FCER2: variants seen among roughly 807,000 people sequenced by gnomAD.
FCER2 encodes the protein Fc epsilon receptor II.
In FCER2, 38 loss-of-function variants were observed where a neutral mutation model predicts 49.7. The observed-to-expected ratio is 0.76, with a 90% confidence interval of 0.59 to 1.00. The LOEUF is 1.00. FCER2 is among the 50% of genes least tolerant of loss of function. The pLI is 0.00. For missense variants in FCER2, 425 were observed against 419.5 expected, an observed-to-expected ratio of 1.01 and a Z score of -0.11; for synonymous variants, 163 against 164.6, an observed-to-expected ratio of 0.99 and a Z score of 0.07.
chr19:7,691,862 A>G (rs569492259), intron 8 of FCER2, among the ~76,000 whole-genome samples: 1 of 152,288 alleles, frequency 6.6e-6, no homozygotes, highest in South Asian at 2.1e-4. Context: ...AACTGCAAAC[A>G]CTGTCACCAC....
chr19:7,690,054 T>A, intron 10 of FCER2, 105 bp downstream of exon 10: 3 of 782,370 alleles, frequency 3.8e-6, no homozygotes, highest in South Asian at 1.6e-5. Context: ...CTAGAGACCC[T>A]TATCTCTGAG....
intron 8 of FCER2, among the ~76,000 whole-genome samples, chr19:7,695,783 G>A (rs11260016): frequency 0.18 from 27,826 of 151,936 alleles, 3,106 homozygotes; most frequent in African/African-American, 0.3. Context: ...CTGGCGTGGT[G>A]GCACACACTC....
In FCER2 at chr19:7,690,505, G is replaced by C. The variant is rs1328145662; in HGVS notation, c.522C>G (p.Cys174Trp). The change falls in exon 9 of 11, where the codon TGC (cysteine) becomes TGG (tryptophan). Residue 174 changes from cysteine (C) to tryptophan (W), a missense_variant. Transcript: ENST00000597921. ...GCTTGGTGCCCTTGCCGAAGTAGTA[G>C]CACTTCCGTTGGAAATTGATCCACT... is the stretch of plus-strand genomic sequence containing the variant. Reference protein sequence around the residue: ...PEKWINFQRKCYYFGKGTKQW... With the variant: ...PEKWINFQRKWYYFGKGTKQW... The C allele has an allele frequency of 6.2e-7, 1 of 1,614,022 alleles. No individual in the cohort carries two copies. The highest frequency in any genetic ancestry group is 1.1e-5 in the South Asian group (1 of 91,096).
chr19:7,689,260 A>G lies in FCER2; in HGVS notation c.899T>C (p.Met300Thr), dbSNP rs1329156719. Reference protein sequence around the residue: ...PPASEGSAESMGPDSRPDPDG... With the variant: ...PPASEGSAESTGPDSRPDPDG... ...AGGGTCTGGTCTTGAATCAGGTCCC[A>G]TGGACTCCGCGGAACCTTCGCTGGC... Residue 300 changes from methionine to threonine, a missense_variant, in exon 11 of 11, where the codon ATG becomes ACG. Met to Thr is a moderately conservative substitution (Grantham distance 81). Coordinates refer to ENST00000597921, the MANE Select transcript of FCER2 (RefSeq NM_001220500.2). 4 of 1,613,756 alleles carry G rather than the reference A, an allele frequency of 2.5e-6. No homozygotes were observed. Among genetic ancestry groups the G allele is most frequent in the Non-Finnish European group, 3.4e-6 (4 of 1,179,936 alleles).
At chr19:7,698,903 C>G in intron 2 of FCER2, 49 bp from the exon 3 acceptor site, 1 of 1,537,580 alleles carries the variant, frequency 6.5e-7, no homozygotes, top group Non-Finnish European at 8.7e-7. Context: ...AAGCTGGATG[C>G]TGGCCCTGTC....
Position 7,698,692 on chromosome 19 carries a change from A to G in FCER2, c.136+49T>C, listed in dbSNP as rs1599441882. ...GATGGGGGTGAAGGAGGGAACACAG[A>G]AGGGCCCCATGAGTTGGGGGGACCA... On this transcript the variant is annotated intron_variant, in intron 3 of 10. Transcript: ENST00000597921. 4 of 1,594,518 alleles carry G rather than the reference A, an allele frequency of 2.5e-6. No individual in the cohort carries two copies. In the African/African-American group the frequency reaches 4.0e-5, roughly 16 times the overall value.
chr19:7,697,950 C>T (rs1361189425), intron 4 of FCER2, among the ~76,000 whole-genome samples: 2 of 152,038 alleles, frequency 1.3e-5, no homozygotes, highest in African/African-American at 4.8e-5. Flanking sequence ...TTAAGGCTGC[C>T]AACTTACAAT....
intron 3 of FCER2, 31 bp downstream of exon 3, chr19:7,698,710 G>T: frequency 6.2e-7 from 1 of 1,606,562 alleles, no homozygotes. Flanking sequence ...CATGAGTTGG[G>T]GGGACCACAT....
rs756859366 is a variant in FCER2 at position 7,690,538 on chromosome 19, G to A, written c.489C>T (p.Cys163=). 1.9e-6 allele frequency: 3 copies of A among 1,613,346 alleles called. No homozygotes were observed. In the South Asian group the frequency reaches 3.3e-5, roughly 18 times the overall value. ...GTTGGAAATTGATCCACTTTTCAGGGCACGTGTTGCACACAAAGCCTGGGG... is the reference window on the plus strand; with the variant it reads ...GTTGGAAATTGATCCACTTTTCAGGACACGTGTTGCACACAAAGCCTGGGG... ...QVSSGFVCNT[C]PEKWINFQRK... is the part of the protein sequence containing the mutation. The change falls in exon 9 of 11, where the codon TGC becomes TGT. Residue 163 remains cysteine, a synonymous_variant. Transcript: ENST00000597921.
intron 1 of FCER2, among the ~76,000 whole-genome samples, chr19:7,701,759 G>A (rs1483917059): frequency 6.6e-6 from 1 of 152,028 alleles, no homozygotes; most frequent in Non-Finnish European, 1.5e-5. Flanking sequence ...GGCCCTCTAT[G>A]ATCGGCCCAG....
Position 7,690,428 on chromosome 19 carries a change from C to G in FCER2, c.599G>C (p.Ser200Thr). 6.2e-7 allele frequency: 1 copy of G among 1,614,054 alleles called. No individual in the cohort carries two copies. Among genetic ancestry groups the G allele is most frequent in the Non-Finnish European group, 8.5e-7 (1 of 1,179,936 alleles). Residue 200 changes from serine (S) to threonine (T), a missense_variant, in exon 9 of 11, where the codon AGC becomes ACC. Transcript: ENST00000597921. ...CACCTGCTCCTCCGGGCTGTGGATGCTGACCAGCTGCCCTTCCATGTCGTC... is the reference window on the plus strand; with the variant it reads ...CACCTGCTCCTCCGGGCTGTGGATGGTGACCAGCTGCCCTTCCATGTCGTC... ...ACDDMEGQLVSIHSPEEQDFL... is the reference protein window; with the variant it reads ...ACDDMEGQLVTIHSPEEQDFL...
In FCER2 at chr19:7,688,858, G is replaced by C. The variant is rs2032773798; in HGVS notation, c.*335C>G. 2 of 304,022 alleles carry C rather than the reference G, an allele frequency of 6.6e-6. No homozygotes were observed. Among genetic ancestry groups the C allele is most frequent in the South Asian group, 6.6e-5 (1 of 15,252 alleles). The allele number at this position is 304,022 out of a possible 1,614,324, so 18.8% of individuals were successfully genotyped here. A position where few individuals can be genotyped will look rare whatever the true frequency, so the allele number is the denominator to read the frequency against. ...CTGAGCTGGGGATACTCAGGTCCTG[G>C]GGTGCTGAGGAGATGGGGCTGCATC... On this transcript the variant is annotated 3_prime_UTR_variant, in exon 11 of 11. Coordinates refer to ENST00000597921, the MANE Select transcript of FCER2 (RefSeq NM_001220500.2).
intron 10 of FCER2, 37 bp from the exon 11 acceptor site, chr19:7,689,467 G>A (rs1396198934): frequency 7.3e-7 from 1 of 1,373,488 alleles, no homozygotes; most frequent in Non-Finnish European, 1.0e-6. Flanking sequence ...GATGGGGCGG[G>A]GAGAAGGAGC....
chr19:7,698,859 C>CG lies in FCER2; in HGVS notation c.23-6dup. ...TCCTGGGAAGCTCCTCGATCTCTGC[C>CG]GGGGGTGGAGGGACTGACTATGGGT... On this transcript the variant is annotated splice_region_variant and splice_polypyrimidine_tract_variant and intron_variant, in intron 2 of 10. Transcript: ENST00000597921. 1 of 1,582,842 alleles carries CG rather than the reference C, an allele frequency of 6.3e-7. No homozygotes were observed.
chr19:7,699,741 G>A lies in FCER2; in HGVS notation c.20C>T (p.Ser7Leu), dbSNP rs779425156. MEEGQY[S>L]EIEELPRRRC... is the part of the protein sequence containing the mutation. The stretch of plus-strand genomic sequence containing the variant: ...TTAGAACCAGAGAGTCCTCCTACCT[G>A]AATATTGACCTTCCTCCATGGCGGT... The change falls in exon 2 of 11, where the codon TCA becomes TTA. Residue 7 changes from serine to leucine, a missense_variant and splice_region_variant. By Grantham distance (145) the Ser-to-Leu change is moderately radical. Coordinates refer to ENST00000597921, the MANE Select transcript of FCER2 (RefSeq NM_001220500.2). The A allele has an allele frequency of 6.2e-7, 1 of 1,613,814 alleles. No individual in the cohort carries two copies. The highest frequency in any genetic ancestry group is 8.5e-7 in the Non-Finnish European group (1 of 1,179,776).
chr19:7,701,185 G>C (rs890187176), intron 1 of FCER2, among the ~76,000 whole-genome samples: 19 of 152,242 alleles, frequency 1.2e-4, no homozygotes, highest in Admixed American at 6.5e-4. Context: ...TGGAGGTCAC[G>C]GGCTACCTTC....
intron 6 of FCER2, 51 bp from the exon 7 acceptor site, chr19:7,697,126 C>T (rs565751215): frequency 2.0e-5 from 32 of 1,609,240 alleles, no homozygotes; most frequent in African/African-American, 1.2e-4. Flanking sequence ...GTGTACAGGC[C>T]GAGGGTGCCC....
intron 10 of FCER2, 31 bp downstream of exon 10, chr19:7,690,128 C>T (rs1376810821): frequency 2.9e-6 from 4 of 1,376,652 alleles, no homozygotes; most frequent in African/African-American, 1.4e-5. Context: ...TTTCCATCTC[C>T]TCCCCTGGAT....
At position 7,697,216 on chromosome 19, in the gene FCER2, C is replaced by A. The variant is rs571262008; in HGVS notation, c.316+20G>T. ...CTTCCCACCCAATCTGGCTTCATAA[C>A]CCCGATCCCAGTCTCTCACCCTGAG... On this transcript the variant is annotated intron_variant, in intron 6 of 10. Coordinates refer to ENST00000597921, the MANE Select transcript of FCER2 (RefSeq NM_001220500.2). 55 of 1,613,688 alleles carry A rather than the reference C, an allele frequency of 3.4e-5. No individual in the cohort carries two copies. The Middle Eastern group carries it at 6.6e-4, about 19-fold the overall frequency.
Sources: gnomAD v4.1 joint callset for allele counts (sites outside exome capture counted in the v4.1 genomes callset) on GRCh38, gnomAD v4.1.1 for gene constraint, MANE v1.5 for transcripts, NCBI Gene and HGNC (gene_info 2026-07-23, HGNC 2026-07-21) for gene names.